CLDN16: variants seen among roughly 807,000 people sequenced by gnomAD.
CLDN16 encodes claudin 16.
A neutral mutation model predicts 24.6 loss-of-function variants in CLDN16; 13 were observed. The ratio of observed to expected loss-of-function variants is 0.53; its 90% CI spans 0.34 to 0.84. CLDN16 has a LOEUF of 0.84. Ranked by LOEUF, CLDN16 falls within the 40% of genes least tolerant of loss-of-function variation. CLDN16 has a pLI of 0.01. For missense variants in CLDN16, 298 were observed against 292.7 expected (o/e 1.02, Z -0.13); for synonymous variants, 116 against 106.7 (o/e 1.09, Z -0.54).
Position 190,380,144 on chromosome 3 carries a change from T to TCCTTC in CLDN16, n.306+5542_306+5543insCTTCC, listed in dbSNP as rs1560091466. ...CCTTCCTTTCTTCCTTCCTTCCTTT[T>TCCTTC]CTTCCTTCCCTCCCTTCCTTCCTTC... On this transcript the variant is annotated intron_variant and non_coding_transcript_variant, in intron 3 of 4. Coordinates refer to the CLDN16 transcript ENST00000468220. Among the ~76,000 whole-genome samples the TCCTTC allele has an allele frequency of 2.8e-3, 35 of 12,300 alleles. 6 individuals are homozygous for TCCTTC. The highest frequency in any genetic ancestry group is 0.019 in the South Asian group (10 of 536). 8.1% of individuals were successfully genotyped at this position (12,300 alleles called of 152,430 possible).
chr3:190,301,931 A>G, the CLDN16 span, among the ~76,000 whole-genome samples: 1 of 152,158 alleles, frequency 6.6e-6, no homozygotes, highest in Non-Finnish European at 1.5e-5. Context: ...AAGACTTATT[A>G]TCTTTTGCTT....
intron 1 of CLDN16, among the ~76,000 whole-genome samples, chr3:190,323,263 C>G (rs969180557): frequency 1.3e-5 from 2 of 152,178 alleles, no homozygotes; most frequent in Admixed American, 1.3e-4. Flanking sequence ...GGCCAGTGCC[C>G]CGCTCTCCCT....
intron 2 of CLDN16, chr3:190,371,042 A>AAAT (rs1718131294): frequency 7.5e-6 from 1 of 133,326 alleles, no homozygotes; most frequent in African/African-American, 2.8e-5. Flanking sequence ...ATATATATAA[A>AAAT]ATATATATGC....
chr3:190,409,289 T>TGCACACATGTATATGTATGTATATAC (rs1719206767), intron 4 of CLDN16, among the ~76,000 whole-genome samples: 1 of 152,070 alleles, frequency 6.6e-6, no homozygotes, highest in South Asian at 2.1e-4. Flanking sequence ...TATGTATATA[T>TGCACACATGTATATGTATGTATATAC]GCACACATGT....
chr3:190,401,901 A>G (rs1718972005), intron 1 of CLDN16, among the ~76,000 whole-genome samples: 1 of 152,118 alleles, frequency 6.6e-6, no homozygotes, highest in Non-Finnish European at 1.5e-5. Context: ...TGATAAAGAA[A>G]CAATATATAT....
At chr3:190,395,241 T>C (rs1718787877) in intron 1 of CLDN16, among the ~76,000 whole-genome samples, 1 of 152,116 alleles carries the variant, frequency 6.6e-6, no homozygotes, top group African/African-American at 2.4e-5. Context: ...ACCCATTTCT[T>C]ATGATTTATA....
At chr3:190,331,359 G>T (rs1348124179) in intron 1 of CLDN16, among the ~76,000 whole-genome samples, 1 of 152,100 alleles carries the variant, frequency 6.6e-6, no homozygotes, top group African/African-American at 2.4e-5. Flanking sequence ...AACAGCCAAA[G>T]GCTTGTTTAT....
At chr3:190,392,445 A>G (rs1023854753) in intron 1 of CLDN16, among the ~76,000 whole-genome samples, 3 of 151,862 alleles carry the variant, frequency 2.0e-5, no homozygotes, top group East Asian at 1.9e-4. Context: ...CAACTTCTGT[A>G]TACTTGGCAC....
At chr3:190,353,105 T>G (rs1413627697) in intron 1 of CLDN16, among the ~76,000 whole-genome samples, 1 of 152,054 alleles carries the variant, frequency 6.6e-6, no homozygotes, top group Non-Finnish European at 1.5e-5. Flanking sequence ...TAGTACCTAC[T>G]CCAAAGAGTT....
At chr3:190,341,465 T>C (rs112064022) in intron 1 of CLDN16, among the ~76,000 whole-genome samples, 5,954 of 152,196 alleles carry the variant, frequency 0.039, 388 homozygotes, top group African/African-American at 0.13. Flanking sequence ...CTTTCAGCCA[T>C]GGCTGGAGCA....
chr3:190,318,732 C>T (rs1445285409), upstream of CLDN16, among the ~76,000 whole-genome samples: 1 of 152,156 alleles, frequency 6.6e-6, no homozygotes, highest in Admixed American at 6.5e-5. Context: ...CTTCGAGTAC[C>T]CTCGGTTCAG....
At chr3:190,348,681 A>G (rs1717606779) in intron 1 of CLDN16, among the ~76,000 whole-genome samples, 1 of 152,184 alleles carries the variant, frequency 6.6e-6, no homozygotes, top group African/African-American at 2.4e-5. Context: ...TTTAAGTTTT[A>G]AGGTCAGGGG....
chr3:190,321,854 G>C, upstream of CLDN16: 1 of 729,946 alleles, frequency 1.4e-6, no homozygotes, highest in Non-Finnish European at 2.3e-6. Context: ...TTATGACAGA[G>C]CACATGATCA....
upstream of CLDN16, chr3:190,321,890 TAACCATGGA>T: frequency 3.3e-6 from 3 of 913,270 alleles, no homozygotes; most frequent in Non-Finnish European, 5.4e-6. Flanking sequence ...TGAAGACTGA[TAACCATGGA>T]ATCACACAAC....
chr3:190,336,699 A>G (rs1264908770), intron 1 of CLDN16, among the ~76,000 whole-genome samples: 1 of 152,160 alleles, frequency 6.6e-6, no homozygotes, highest in Non-Finnish European at 1.5e-5. Flanking sequence ...ACAAGCCCCA[A>G]CAGAAGGGTT....
intron 1 of CLDN16, among the ~76,000 whole-genome samples, chr3:190,347,517 T>C (rs1300136164): frequency 6.6e-6 from 1 of 152,184 alleles, no homozygotes; most frequent in African/African-American, 2.4e-5. Context: ...TCATTCATCA[T>C]TACTAAATAC....
At position 190,408,422 on chromosome 3, in the gene CLDN16, G is replaced by T. The variant is rs1182563283; in HGVS notation, c.491G>T (p.Trp164Leu). 3 of 1,613,846 alleles carry T rather than the reference G, an allele frequency of 1.9e-6. No individual in the cohort carries two copies. In the African/African-American group the frequency reaches 4.0e-5, roughly 22 times the overall value. ...CTTGGTATCCAATATAAATTTGGTT[G>T]GTCCTGTTGGCTCGGAATGGCTGGG... ...IFLGIQYKFGWSCWLGMAGSL... is the reference protein window; with the variant it reads ...IFLGIQYKFGLSCWLGMAGSL... Residue 164 changes from tryptophan (W) to leucine (L), a missense_variant, in exon 4 of 5, where the codon TGG (tryptophan) becomes TTG (leucine). Physicochemically the swap from Trp to Leu is moderately conservative, Grantham distance 61 (BLOSUM62 -2). Transcript: ENST00000264734.
At chr3:190,353,500 GTC>G (rs1717709757) in intron 1 of CLDN16, among the ~76,000 whole-genome samples, 6 of 152,010 alleles carry the variant, frequency 3.9e-5, no homozygotes, top group Admixed American at 2.0e-4. Context: ...ATTTAGTTAT[GTC>G]TATGGACCAC....
At chr3:190,363,213 T>G (rs1322334573) in intron 1 of CLDN16, among the ~76,000 whole-genome samples, 1 of 151,772 alleles carries the variant, frequency 6.6e-6, no homozygotes, top group Non-Finnish European at 1.5e-5. Flanking sequence ...TTTTGACTGT[T>G]CAATTTGCTA....
Sources: gnomAD v4.1 joint callset for allele counts (sites outside exome capture counted in the v4.1 genomes callset) on GRCh38, gnomAD v4.1.1 for gene constraint, MANE v1.5 for transcripts, NCBI Gene and HGNC (gene_info 2026-07-23, HGNC 2026-07-21) for gene names.